The following PRKCH variants were observed in gnomAD, a reference collection of about 807,000 sequenced individuals.
The protein encoded by PRKCH is protein kinase C eta.
In PRKCH, 28 loss-of-function variants were observed where a neutral mutation model predicts 82.5. That is an observed-to-expected ratio of 0.34 (90% CI 0.25 to 0.47). The LOEUF is 0.47. Among genes scored for constraint, PRKCH ranks in the 20% least tolerant of loss-of-function variants. PRKCH has a pLI of 1.00. For synonymous variants in PRKCH, 322 were observed against 327.4 expected, an observed-to-expected ratio of 0.98 and a Z score of 0.18; for missense variants, 705 against 881.8, an observed-to-expected ratio of 0.80 and a Z score of 2.54.
chr14:61,479,003 C>T (rs1286642916), intron 9 of PRKCH, among the ~76,000 whole-genome samples: 1 of 152,224 alleles, frequency 6.6e-6, no homozygotes, highest in African/African-American at 2.4e-5. Flanking sequence ...ACGGATGTCT[C>T]ATGCAACCCA....
intron 1 of PRKCH, among the ~76,000 whole-genome samples, chr14:61,370,448 A>C (rs898074367): frequency 6.6e-6 from 1 of 152,020 alleles, no homozygotes; most frequent in African/African-American, 2.4e-5. Context: ...ATTTGTAATA[A>C]GTGTATCAGG....
chr14:61,430,796 C>G (rs1277518368), intron 2 of PRKCH, among the ~76,000 whole-genome samples: 1 of 151,794 alleles, frequency 6.6e-6, no homozygotes, highest in Non-Finnish European at 1.5e-5. Flanking sequence ...GCTCTGTTGC[C>G]CAGGCTAGAA....
At chr14:61,433,052 A>AAAAAAAAAAAAAC (rs1012843573) in intron 2 of PRKCH, among the ~76,000 whole-genome samples, 6 of 149,642 alleles carry the variant, frequency 4.0e-5, no homozygotes, top group African/African-American at 1.5e-4. Context: ...TCAAAAAAAA[A>AAAAAAAAAAAAAC]AAAAAAAAAC....
At chr14:61,526,042 G>C (rs897861953) in intron 10 of PRKCH, among the ~76,000 whole-genome samples, 2 of 152,236 alleles carry the variant, frequency 1.3e-5, no homozygotes, top group African/African-American at 4.8e-5. Context: ...ACTTGTGGAA[G>C]AACTGAGAGT....
chr14:61,542,366 TC>T (rs1372990465), intron 12 of PRKCH, among the ~76,000 whole-genome samples: 1 of 70,692 alleles, frequency 1.4e-5, no homozygotes, highest in Non-Finnish European at 4.8e-5. Context: ...AGGTTTTCTG[TC>T]AGGAAAAAAA....
intron 10 of PRKCH, among the ~76,000 whole-genome samples, chr14:61,502,649 G>A (rs1414002489): frequency 6.6e-6 from 1 of 152,074 alleles, no homozygotes; most frequent in Non-Finnish European, 1.5e-5. Context: ...ATTCACCAGG[G>A]AGTTCTCAAA....
intron 2 of PRKCH, among the ~76,000 whole-genome samples, chr14:61,439,982 G>A (rs1335684212): frequency 6.6e-6 from 1 of 152,048 alleles, no homozygotes; most frequent in Non-Finnish European, 1.5e-5. Context: ...TAGTATTAAG[G>A]GATTAAAAAG....
chr14:61,268,207 T>C (rs1280057366), intron 1 of PRKCH, among the ~76,000 whole-genome samples: 1 of 152,186 alleles, frequency 6.6e-6, no homozygotes, highest in Non-Finnish European at 1.5e-5. Flanking sequence ...CCAGCAATTG[T>C]AACATGCCAT....
intron 1 of PRKCH, among the ~76,000 whole-genome samples, chr14:61,386,156 G>T (rs2046584407): frequency 6.6e-6 from 1 of 152,196 alleles, no homozygotes; most frequent in Admixed American, 6.5e-5. Flanking sequence ...TCCCTGGAGA[G>T]TGTACAAGAA....
At chr14:61,254,435 A>G (rs1263590679) in intron 1 of PRKCH, among the ~76,000 whole-genome samples, 1 of 152,026 alleles carries the variant, frequency 6.6e-6, no homozygotes, top group Non-Finnish European at 1.5e-5. Context: ...CAACATAGGG[A>G]GACTTCCATC....
At chr14:61,255,666 C>T (rs991986248) in intron 1 of PRKCH, among the ~76,000 whole-genome samples, 21 of 152,212 alleles carry the variant, frequency 1.4e-4, no homozygotes, top group African/African-American at 4.8e-4. Flanking sequence ...TCAAAACAGC[C>T]TTATGAGGTG....
intron 10 of PRKCH, among the ~76,000 whole-genome samples, chr14:61,514,197 G>A (rs866947043): frequency 2.0e-5 from 3 of 151,878 alleles, no homozygotes; most frequent in Non-Finnish European, 2.9e-5. Flanking sequence ...GTCTGCTCAC[G>A]GACCCTGTCT....
chr14:61,440,361 A>G (rs1883898588), intron 2 of PRKCH, among the ~76,000 whole-genome samples: 2 of 152,274 alleles, frequency 1.3e-5, no homozygotes, highest in East Asian at 1.9e-4. Context: ...CTTGAGACAT[A>G]TGGGAAACTT....
chr14:61,470,891 C>A (rs2140311483), intron 9 of PRKCH, among the ~76,000 whole-genome samples: 1 of 152,258 alleles, frequency 6.6e-6, no homozygotes, highest in East Asian at 1.9e-4. Flanking sequence ...GCAGTGAATC[C>A]TGGGATGTGT....
intron 1 of PRKCH, among the ~76,000 whole-genome samples, chr14:61,246,946 G>A (rs2044889796): frequency 6.6e-6 from 1 of 152,034 alleles, no homozygotes; most frequent in Admixed American, 6.6e-5. Flanking sequence ...GGCCCCCATT[G>A]TTGGCCTGCC....
intron 3 of PRKCH, among the ~76,000 whole-genome samples, chr14:61,444,953 G>A (rs1383445125): frequency 1.3e-5 from 2 of 152,172 alleles, no homozygotes; most frequent in Non-Finnish European, 2.9e-5. Context: ...AGGTCATCTG[G>A]CTTCAGAGTC....
At chr14:61,511,988 C>T (rs1275033575) in intron 10 of PRKCH, among the ~76,000 whole-genome samples, 1 of 152,140 alleles carries the variant, frequency 6.6e-6, no homozygotes, top group Non-Finnish European at 1.5e-5. Context: ...AAATGTTCTA[C>T]TTTCAAATAA....
intron 1 of PRKCH, among the ~76,000 whole-genome samples, chr14:61,342,816 G>A (rs570039477): frequency 2.0e-5 from 3 of 152,280 alleles, no homozygotes; most frequent in African/African-American, 4.8e-5. Flanking sequence ...ATGACAGTGG[G>A]GTGTCTTAAA....
intron 10 of PRKCH, among the ~76,000 whole-genome samples, chr14:61,485,938 T>G (rs535563927): frequency 5.9e-5 from 9 of 152,318 alleles, no homozygotes; most frequent in South Asian, 2.1e-4. Flanking sequence ...ATTTTTATTT[T>G]TTATTTTTTG....
Sources: gnomAD v4.1 joint callset for allele counts (sites outside exome capture counted in the v4.1 genomes callset) on GRCh38, gnomAD v4.1.1 for gene constraint, MANE v1.5 for transcripts, NCBI Gene and HGNC (gene_info 2026-07-23, HGNC 2026-07-21) for gene names.